RSF1: variants seen among roughly 807,000 people sequenced by gnomAD.
RSF1 encodes the protein HBV pX-associated protein 8.
In RSF1, 13 loss-of-function variants were observed where a neutral mutation model predicts 145.2. The observed-to-expected ratio is 0.09, with a 90% CI of 0.06 to 0.14. The LOEUF is 0.14. Among genes scored for constraint, RSF1 ranks in the 10% least tolerant of loss-of-function variants. The pLI is 1.00. For synonymous variants in RSF1, 577 were observed against 592.6 expected (o/e 0.97, Z 0.38); for missense variants, 1,517 against 1,718.2 (o/e 0.88, Z 2.07).
intron 5 of RSF1, among the ~76,000 whole-genome samples, chr11:77,709,304 T>C (rs957275431): frequency 6.6e-6 from 1 of 152,234 alleles, no homozygotes; most frequent in African/African-American, 2.4e-5. Context: ...TATATTTTAT[T>C]TACTAATCTT....
chr11:77,701,053 A>G lies in RSF1; in HGVS notation c.2176T>C (p.Ser726Pro), dbSNP rs759160203. The G allele has an allele frequency of 6.2e-7, 1 of 1,613,686 alleles. No individual in the cohort carries two copies. Among genetic ancestry groups the G allele is most frequent in the South Asian group, 1.1e-5 (1 of 91,066 alleles). ...TTASENTEITSERQKEGIKLT... is the reference protein window; with the variant it reads ...TTASENTEITPERQKEGIKLT... ...TTGATGCCCTCTTTCTGCCTTTCAGAGGTTATCTCTGTATTTTCTGAGGCA... is the reference window on the plus strand; with the variant it reads ...TTGATGCCCTCTTTCTGCCTTTCAGGGGTTATCTCTGTATTTTCTGAGGCA... The change falls in exon 6 of 16, where the codon TCT (serine) becomes CCT (proline). Residue 726 changes from serine (S) to proline (P), a missense_variant. Around this residue, in one of 12 missense-constraint regions of RSF1, gnomAD observed 579 missense variants for 553.5 expected, o/e 1.05. Coordinates refer to ENST00000308488, the MANE Select transcript of RSF1 (RefSeq NM_016578.4).
At chr11:77,820,006 G>A (rs185300435) in intron 1 of RSF1, among the ~76,000 whole-genome samples, 185 of 152,288 alleles carry the variant, frequency 1.2e-3, no homozygotes, top group African/African-American at 4.2e-3. Flanking sequence ...AGAGTTGAGT[G>A]TCCGCTGGCC....
chr11:77,664,251 C>T lies in RSF1; in HGVS notation c.*2666G>A, dbSNP rs980205987. The T allele has an allele frequency of 2.0e-5, 3 of 152,154 alleles. No homozygotes were observed. Among genetic ancestry groups the T allele is most frequent in the African/African-American group, 7.2e-5 (3 of 41,448 alleles). 9.4% of individuals were successfully genotyped at this position (152,154 alleles called of 1,614,324 possible). On this transcript the variant is annotated 3_prime_UTR_variant, in exon 16 of 16. Transcript: ENST00000308488. ...ATCTATCTGCCTAATAATGTTTTATCAACCGCTTGGATTACATTCTTGGTA... is the reference window on the plus strand; with the variant it reads ...ATCTATCTGCCTAATAATGTTTTATTAACCGCTTGGATTACATTCTTGGTA...
chr11:77,821,172 G>A (rs1001252996), upstream of RSF1: 31 of 373,328 alleles, frequency 8.3e-5, no homozygotes, highest in Admixed American at 3.8e-4. Context: ...CCGAAGCAGC[G>A]CTGGGAGCGT....
At chr11:77,774,468 A>T (rs1036584234) in intron 1 of RSF1, among the ~76,000 whole-genome samples, 24 of 151,884 alleles carry the variant, frequency 1.6e-4, no homozygotes, top group African/African-American at 5.8e-4. Flanking sequence ...GCTACTCGGG[A>T]GGCTGAGGCA....
the RSF1 span, among the ~76,000 whole-genome samples, chr11:77,867,651 C>T: frequency 6.6e-6 from 1 of 152,198 alleles, no homozygotes; most frequent in African/African-American, 2.4e-5. Flanking sequence ...AAGCATTGTC[C>T]TTGTGCAGAA....
chr11:77,761,572 C>T (rs956630015), intron 2 of RSF1, among the ~76,000 whole-genome samples: 3 of 152,088 alleles, frequency 2.0e-5, no homozygotes, highest in Non-Finnish European at 4.4e-5. Context: ...TTTGTGAAGG[C>T]ATGTGAAGGC....
At chr11:77,792,767 C>T (rs1948533006) in intron 1 of RSF1, among the ~76,000 whole-genome samples, 1 of 147,926 alleles carries the variant, frequency 6.8e-6, no homozygotes, top group Non-Finnish European at 1.5e-5. Context: ...AATCAAGATA[C>T]TATACCTACC....
At chr11:77,699,054 T>C (rs781708369) in intron 6 of RSF1, among the ~76,000 whole-genome samples, 44 of 152,358 alleles carry the variant, frequency 2.9e-4, no homozygotes, top group Non-Finnish European at 5.4e-4. Flanking sequence ...TCGTCAACAA[T>C]GTACTGTATC....
At chr11:77,673,476 A>C (rs555405150) in intron 14 of RSF1, among the ~76,000 whole-genome samples, 2 of 152,326 alleles carry the variant, frequency 1.3e-5, no homozygotes, top group East Asian at 3.9e-4. Context: ...TCATTGGCCA[A>C]ATTTGGGACA....
intron 13 of RSF1, among the ~76,000 whole-genome samples, chr11:77,676,234 CT>C (rs1432990479): frequency 6.6e-6 from 1 of 151,660 alleles, no homozygotes; most frequent in Admixed American, 6.6e-5. Context: ...CCTCTGTAGC[CT>C]AATTTATCTT....
At chr11:77,720,959 T>C (rs1279322357) in intron 5 of RSF1, among the ~76,000 whole-genome samples, 4 of 152,204 alleles carry the variant, frequency 2.6e-5, no homozygotes, top group African/African-American at 4.8e-5. Context: ...AGGCCACTTA[T>C]TGCCATTTTC....
intron 1 of RSF1, among the ~76,000 whole-genome samples, chr11:77,766,309 T>C (rs901891290): frequency 5.9e-5 from 9 of 152,178 alleles, no homozygotes; most frequent in Non-Finnish European, 1.3e-4. Context: ...GGTTGGGAAA[T>C]GATGACCTAA....
At chr11:77,802,101 A>T (rs1398312943) in intron 1 of RSF1, among the ~76,000 whole-genome samples, 1 of 151,558 alleles carries the variant, frequency 6.6e-6, no homozygotes, top group Non-Finnish European at 1.5e-5. Context: ...TGCACTTGGG[A>T]CTCTTCCAGA....
chr11:77,768,818 T>C (rs551967902), intron 1 of RSF1, among the ~76,000 whole-genome samples: 1 of 152,290 alleles, frequency 6.6e-6, no homozygotes, highest in South Asian at 2.1e-4. Flanking sequence ...AAAATCACCA[T>C]ACTTTTTATT....
In RSF1 at chr11:77,663,237, C is replaced by A. The variant is rs1201526829; in HGVS notation, c.*3680G>T. 1 of 152,140 alleles carries A rather than the reference C, an allele frequency of 6.6e-6. No homozygotes were observed. Among genetic ancestry groups the A allele is most frequent in the Non-Finnish European group, 1.5e-5 (1 of 68,002 alleles). 9.4% of individuals were successfully genotyped at this position (152,140 alleles called of 1,614,324 possible). On this transcript the variant is annotated 3_prime_UTR_variant, in exon 16 of 16. Coordinates refer to ENST00000308488, the MANE Select transcript of RSF1 (RefSeq NM_016578.4). ...AAAGGGTTAACATCTCTTATGCCCA[C>A]AAACAAGCTAAAAAAGCATTCCTTG...
At chr11:77,804,184 T>C (rs681411) in intron 1 of RSF1, among the ~76,000 whole-genome samples, 52,384 of 152,156 alleles carry the variant, frequency 0.34, 9,200 homozygotes, top group East Asian at 0.46. Context: ...AAGCTCTGCA[T>C]CCAGGACCCT....
chr11:77,795,191 C>T (rs999688012), intron 1 of RSF1, among the ~76,000 whole-genome samples: 1 of 151,990 alleles, frequency 6.6e-6, no homozygotes, highest in Non-Finnish European at 1.5e-5. Flanking sequence ...CTGAAAGAAA[C>T]TGAAGAGGAC....
At position 77,725,553 on chromosome 11, in the gene RSF1, G is replaced by C; in HGVS notation, c.725C>G (p.Pro242Arg). Residue 242 changes from proline (P) to arginine (R), a missense_variant, in exon 5 of 16, where the codon CCT (proline) becomes CGT (arginine). Pro to Arg is a moderately radical substitution (Grantham distance 103). Around this residue, in one of 12 missense-constraint regions of RSF1, gnomAD observed 207 missense variants for 191.4 expected, o/e 1.08. Coordinates refer to ENST00000308488, the MANE Select transcript of RSF1 (RefSeq NM_016578.4). ...DEETKKEEET[P>R]KQEEQKESEK... ...AACACACAAAAAAAAACCTTGTTTA[G>C]GTGTTTCTTCCTCTTTTTTAGTCTC... The C allele has an allele frequency of 6.4e-7, 1 of 1,556,712 alleles. No homozygotes were observed. Among genetic ancestry groups the C allele is most frequent in the South Asian group, 1.2e-5 (1 of 82,674 alleles).
Sources: allele counts gnomAD v4.1 joint callset (sites outside exome capture counted in the v4.1 genomes callset), GRCh38; gene constraint gnomAD v4.1.1; regional missense constraint gnomAD v4.1.1; transcripts MANE v1.5; gene names NCBI Gene and HGNC (gene_info 2026-07-23, HGNC 2026-07-21).